The following OR10H5 variants were observed in gnomAD, a reference collection of about 807,000 sequenced individuals.
OR10H5 encodes olfactory receptor family 10 subfamily H member 5, also known as olfactory receptor 10H5.
In OR10H5, 7 loss-of-function variants were observed where a neutral mutation model predicts 12.2. The ratio of observed to expected loss-of-function variants is 0.57; its 90% CI spans 0.33 to 1.07. OR10H5 has a LOEUF of 1.07. Ranked by LOEUF, OR10H5 falls within the 50% of genes least tolerant of loss-of-function variation. The probability of loss-of-function intolerance (pLI) is 0.04; values close to 1 mark genes in which losing one functional copy is unlikely to be tolerated. For missense variants in OR10H5, 346 were observed against 411.6 expected (o/e 0.84, Z 1.38); for synonymous variants, 159 against 175.1 (o/e 0.91, Z 0.73).
intron 1 of OR10H5, among the ~76,000 whole-genome samples, chr19:15,791,438 C>CCACACA (rs1466007101): frequency 9.6e-6 from 1 of 103,848 alleles, no homozygotes; most frequent in African/African-American, 4.6e-5. Flanking sequence ...TATATAGATA[C>CCACACA]CATACACACA....
At chr19:15,791,689 A>G (rs994387206) in intron 1 of OR10H5, among the ~76,000 whole-genome samples, 1 of 148,932 alleles carries the variant, frequency 6.7e-6, no homozygotes, top group African/African-American at 2.5e-5. Context: ...TGCATGAATT[A>G]TTATTATTTT....
intron 1 of OR10H5, among the ~76,000 whole-genome samples, chr19:15,791,756 C>G (rs1368365801): frequency 4.0e-5 from 6 of 151,424 alleles, no homozygotes; most frequent in Non-Finnish European, 8.8e-5. Context: ...GCAGTGGCGC[C>G]ATCTCGGCTC....
chr19:15,794,956 A>C lies in OR10H5; in HGVS notation c.908A>C (p.Lys303Thr). 1 of 1,614,172 alleles carries C rather than the reference A, an allele frequency of 6.2e-7. No individual in the cohort carries two copies. ...LRNKELKVAM[K>T]KTCFTKLFPQ... is the part of the protein sequence containing the mutation. ...AACAAGGAGCTGAAGGTCGCCATGA[A>C]GAAGACTTGCTTCACCAAACTCTTT... is the stretch of plus-strand genomic sequence containing the variant. The change falls in exon 2 of 2, where the codon AAG becomes ACG. Residue 303 changes from lysine to threonine, a missense_variant. Coordinates refer to ENST00000642092, the MANE Select transcript of OR10H5 (RefSeq NM_001004466.2).
intron 1 of OR10H5, among the ~76,000 whole-genome samples, chr19:15,789,250 G>A (rs1462959950): frequency 1.3e-5 from 2 of 152,208 alleles, no homozygotes; most frequent in African/African-American, 4.8e-5. Flanking sequence ...ATGAGTGGTG[G>A]TGTCTCTGGT....
chr19:15,797,138 A>T lies in OR10H5; in HGVS notation c.*2142A>T, dbSNP rs2088843512. The T allele has an allele frequency of 6.6e-6, 1 of 152,058 alleles. No homozygotes were observed. Among genetic ancestry groups the T allele is most frequent in the African/African-American group, 2.4e-5 (1 of 41,398 alleles). The allele number at this position is 152,058 out of a possible 1,614,324, so 9.4% of individuals were successfully genotyped here. A position where few individuals can be genotyped will look rare whatever the true frequency, so the allele number is the denominator to read the frequency against. On this transcript the variant is annotated 3_prime_UTR_variant, in exon 2 of 2. Transcript: ENST00000642092. ...AGACTCTGTCTCAAAAAAACAATAA[A>T]AAAAAGAAGAAGAAGTTCTAGGGCA...
At position 15,791,400 on chromosome 19, in the gene OR10H5, T is replaced by G. The variant is rs554172498; in HGVS notation, c.-11-2638T>G. Among the ~76,000 whole-genome samples, 475 of 151,250 alleles carry G rather than the reference T, an allele frequency of 3.1e-3. 2 individuals carry two copies. The highest frequency in any genetic ancestry group is 0.011 in the African/African-American group (453 of 41,138). Reference sequence around the variant, plus strand: ...CAAATAAAATTTAAAAACAGTAGTCTTCAGTTAATCAAAGATATCTATATA... The same window carrying G: ...CAAATAAAATTTAAAAACAGTAGTCGTCAGTTAATCAAAGATATCTATATA... On this transcript the variant is annotated intron_variant, in intron 1 of 1. Coordinates refer to ENST00000642092, the MANE Select transcript of OR10H5 (RefSeq NM_001004466.2).
chr19:15,793,675 G>T (rs1027964352), intron 1 of OR10H5, among the ~76,000 whole-genome samples: 3 of 152,088 alleles, frequency 2.0e-5, no homozygotes, highest in African/African-American at 4.8e-5. Flanking sequence ...GAGGTCAGGA[G>T]TTCGAGACCA....
chr19:15,798,363 C>G lies in OR10H5; in HGVS notation c.*3367C>G, dbSNP rs546218073. On this transcript the variant is annotated 3_prime_UTR_variant, in exon 2 of 2. Coordinates refer to ENST00000642092, the MANE Select transcript of OR10H5 (RefSeq NM_001004466.2). The stretch of plus-strand genomic sequence containing the variant: ...CCCCGGGACCCTGTCCTCATCTCCC[C>G]CCATTAATCAGCCTTCACTTTCTGA... 1.3e-5 allele frequency: 2 copies of G among 152,254 alleles called. No individual in the cohort carries two copies. The highest frequency in any genetic ancestry group is 4.1e-4 in the South Asian group (2 of 4,820). 9.4% of individuals were successfully genotyped at this position (152,254 alleles called of 1,614,324 possible).
chr19:15,792,331 G>T (rs570052301), intron 1 of OR10H5, among the ~76,000 whole-genome samples: 1 of 151,982 alleles, frequency 6.6e-6, no homozygotes. Context: ...TAGTTTTAAG[G>T]GTCCTCATCT....
chr19:15,792,228 T>A lies in OR10H5; in HGVS notation c.-11-1810T>A, dbSNP rs190761202. Among the ~76,000 whole-genome samples, 203 of 152,330 alleles carry A rather than the reference T, an allele frequency of 1.3e-3. 2 individuals carry two copies. The highest frequency in any genetic ancestry group is 4.3e-3 in the African/African-American group (179 of 41,576). ...TTATCATTTTTTTATTCGCATTTTT[T>A]AATTTTCCTTTTATTCTAAAGATTA... On this transcript the variant is annotated intron_variant, in intron 1 of 1. Transcript: ENST00000642092.
At position 15,796,683 on chromosome 19, in the gene OR10H5, G is replaced by C. The variant is rs796284621; in HGVS notation, c.*1687G>C. ...AGGTGGGAGGATCACTTGAGCCCAG[G>C]AGGTTGAGGCTGCAGTGAGCAGTAA... is the stretch of plus-strand genomic sequence containing the variant. On this transcript the variant is annotated 3_prime_UTR_variant, in exon 2 of 2. Transcript: ENST00000642092. 4.6e-5 allele frequency: 7 copies of C among 152,178 alleles called. 1 individual carries two copies. Among genetic ancestry groups the C allele is most frequent in the African/African-American group, 1.7e-4 (7 of 41,498 alleles). The allele number at this position is 152,178 out of a possible 1,614,324, so 9.4% of individuals were successfully genotyped here. A position where few individuals can be genotyped will look rare whatever the true frequency, so the allele number is the denominator to read the frequency against.
chr19:15,794,023 C>T lies in OR10H5; in HGVS notation c.-11-15C>T. ...TCCTAACCACTGGGTCTTCTTTCCT[C>T]TCTCCACCAACTAGGGGTGGCCGCC... On this transcript the variant is annotated splice_polypyrimidine_tract_variant and intron_variant, in intron 1 of 1. Transcript: ENST00000642092. The T allele has an allele frequency of 1.9e-6, 3 of 1,590,704 alleles. No homozygotes were observed. Among genetic ancestry groups the T allele is most frequent in the East Asian group, 2.2e-5 (1 of 44,664 alleles).
intron 1 of OR10H5, among the ~76,000 whole-genome samples, chr19:15,790,612 T>G (rs1401097241): frequency 6.6e-6 from 1 of 151,808 alleles, no homozygotes; most frequent in Non-Finnish European, 1.5e-5. Context: ...GCTGGGGTTG[T>G]GTCCCTGCTA....
chr19:15,790,429 G>GA (rs2088804856), intron 1 of OR10H5, among the ~76,000 whole-genome samples: 1 of 152,204 alleles, frequency 6.6e-6, no homozygotes, highest in Non-Finnish European at 1.5e-5. Context: ...CCCAGGGCAG[G>GA]TCTCTGGTTA....
In OR10H5 at chr19:15,799,727, G is replaced by A. The variant is rs1420075934; in HGVS notation, c.*4731G>A. On this transcript the variant is annotated 3_prime_UTR_variant, in exon 2 of 2. Coordinates refer to ENST00000642092, the MANE Select transcript of OR10H5 (RefSeq NM_001004466.2). ...TTTTTTTGAGAGAGAGAGAGAGAGA[G>A]AAATAAGATCTCACTCTGTCACCCA... The A allele has an allele frequency of 2.7e-5, 4 of 148,314 alleles. No individual in the cohort carries two copies. The highest frequency in any genetic ancestry group is 6.7e-5 in the Admixed American group (1 of 14,836). 9.2% of individuals were successfully genotyped at this position (148,314 alleles called of 1,614,324 possible). A position where few individuals can be genotyped will look rare whatever the true frequency, so the allele number is the denominator to read the frequency against.
rs896240622 is a variant in OR10H5 at position 15,796,822 on chromosome 19, C to T, written c.*1826C>T. ...AAAAACTACCCATTAAATCCGGGTT[C>T]CTGGGTTATATTAGAAGTTCCGGCC... On this transcript the variant is annotated 3_prime_UTR_variant, in exon 2 of 2. Transcript: ENST00000642092. 6 of 151,378 alleles carry T rather than the reference C, an allele frequency of 4.0e-5. No homozygotes were observed. The highest frequency in any genetic ancestry group is 1.5e-4 in the African/African-American group (6 of 41,246). 9.4% of individuals were successfully genotyped at this position (151,378 alleles called of 1,614,324 possible).
At chr19:15,792,804 T>C (rs1417768086) in intron 1 of OR10H5, among the ~76,000 whole-genome samples, 1 of 152,166 alleles carries the variant, frequency 6.6e-6, no homozygotes, top group Non-Finnish European at 1.5e-5. Context: ...CCAGGCCCTG[T>C]GGCAGGTACA....
chr19:15,788,470 A>G (rs1362778592), intron 1 of OR10H5, among the ~76,000 whole-genome samples: 1 of 151,796 alleles, frequency 6.6e-6, no homozygotes, highest in Admixed American at 6.6e-5. Flanking sequence ...TTAGTAAACA[A>G]CCTAATTCAG....
chr19:15,797,345 A>C lies in OR10H5; in HGVS notation c.*2349A>C, dbSNP rs1282226227. On this transcript the variant is annotated 3_prime_UTR_variant, in exon 2 of 2. Transcript: ENST00000642092. ...GCTTTCTAGCTGATCATGATTCTGAAGATACCTTGGAATAGGCTGGGAAAC... is the reference window on the plus strand; with the variant it reads ...GCTTTCTAGCTGATCATGATTCTGACGATACCTTGGAATAGGCTGGGAAAC... 2 of 152,174 alleles carry C rather than the reference A, an allele frequency of 1.3e-5. No individual in the cohort carries two copies. Among genetic ancestry groups the C allele is most frequent in the Admixed American group, 1.3e-4 (2 of 15,274 alleles). 9.4% of individuals were successfully genotyped at this position (152,174 alleles called of 1,614,324 possible).
Sources: allele counts gnomAD v4.1 joint callset (sites outside exome capture counted in the v4.1 genomes callset), GRCh38; gene constraint gnomAD v4.1.1; transcripts MANE v1.5; gene names NCBI Gene and HGNC (gene_info 2026-07-23, HGNC 2026-07-21).